Variants in PLXNA4 observed in about 807,000 individuals in gnomAD.
PLXNA4 encodes the protein plexin-A4.
Under a neutral mutation model 191.8 loss-of-function variants are expected in PLXNA4, and 44 were observed. The observed-to-expected ratio is 0.23, with a 90% confidence interval of 0.18 to 0.29. PLXNA4 has a LOEUF of 0.29. Among genes scored for constraint, PLXNA4 ranks in the 10% least tolerant of loss-of-function variants. PLXNA4 has a pLI of 1.00. For synonymous variants in PLXNA4, 1,082 were observed against 1,009.5 expected (o/e 1.07, Z -1.36); for missense variants, 1,800 against 2,488.8 (o/e 0.72, Z 5.89).
rs920688131 is a variant in PLXNA4 at position 132,182,754 on chromosome 7, C to T, written c.3159-564G>A. 4.6e-5 allele frequency among the ~76,000 whole-genome samples: 7 copies of T among 152,136 alleles called. No individual in the cohort carries two copies. The South Asian group carries it at 6.2e-4, about 14-fold the overall frequency. Reference sequence around the variant, plus strand: ...ATGAATGCAAATGTGAATGCAAGTGCGAAATGCTTTTGGACTCGGGTCTCC... The same window carrying T: ...ATGAATGCAAATGTGAATGCAAGTGTGAAATGCTTTTGGACTCGGGTCTCC... On this transcript the variant is annotated intron_variant, in intron 16 of 31. Coordinates refer to ENST00000321063, the MANE Select transcript of PLXNA4 (RefSeq NM_020911.2).
chr7:132,409,673 G>A (rs1027279105), intron 3 of PLXNA4, among the ~76,000 whole-genome samples: 1 of 152,162 alleles, frequency 6.6e-6, no homozygotes, highest in African/African-American at 2.4e-5. Context: ...CTCTCCCCTG[G>A]ACTTTGGCCA....
In PLXNA4 at chr7:132,464,534, C is replaced by T. The variant is rs141852908; in HGVS notation, c.1371+24758G>A. Among the ~76,000 whole-genome samples the T allele has an allele frequency of 1.1e-4, 17 of 152,138 alleles. 1 individual carries two copies. In the East Asian group the frequency reaches 2.3e-3, roughly 21 times the overall value. Reference sequence around the variant, plus strand: ...ACCTGCATCTCAGGTGGGTGTGCATCGAAATACAGTGAAAGGGCTTTGCAA... The same window carrying T: ...ACCTGCATCTCAGGTGGGTGTGCATTGAAATACAGTGAAAGGGCTTTGCAA... On this transcript the variant is annotated intron_variant, in intron 3 of 31. Coordinates refer to ENST00000321063, the MANE Select transcript of PLXNA4 (RefSeq NM_020911.2).
intron 3 of PLXNA4, among the ~76,000 whole-genome samples, chr7:132,428,765 A>C (rs1313578118): frequency 6.6e-6 from 1 of 152,140 alleles, no homozygotes; most frequent in Non-Finnish European, 1.5e-5. Flanking sequence ...CCCTGTCTGC[A>C]ATTGTTTCCA....
intron 3 of PLXNA4, among the ~76,000 whole-genome samples, chr7:132,486,511 G>T (rs962617437): frequency 6.6e-6 from 1 of 152,198 alleles, no homozygotes; most frequent in Admixed American, 6.5e-5. Flanking sequence ...CACGGGAGCC[G>T]GGCTTGAGCA....
In PLXNA4 at chr7:132,228,780, C is replaced by T. The variant is rs922907338; in HGVS notation, c.1605-311G>A. Among the ~76,000 whole-genome samples the T allele has an allele frequency of 2.0e-5, 3 of 152,196 alleles. No homozygotes were observed. In the East Asian group the frequency reaches 5.8e-4, roughly 29 times the overall value. ...ATTCACCCTCTCTGCACATCCTTAGCCCTTGCCATTCTCTTCTCCTCCTTA... is the reference window on the plus strand; with the variant it reads ...ATTCACCCTCTCTGCACATCCTTAGTCCTTGCCATTCTCTTCTCCTCCTTA... On this transcript the variant is annotated intron_variant, in intron 5 of 31. Coordinates refer to ENST00000321063, the MANE Select transcript of PLXNA4 (RefSeq NM_020911.2).
intron 4 of PLXNA4, chr7:132,264,398 GCAAATAATTCGGTC>G (rs1799767474): frequency 6.6e-6 from 1 of 152,214 alleles, no homozygotes; most frequent in Non-Finnish European, 1.5e-5. Context: ...GGGAGTAGTA[GCAAATAATTCGGTC>G]CAAACCTGGC....
chr7:132,491,138 A>G (rs1797780479), intron 2 of PLXNA4, among the ~76,000 whole-genome samples: 1 of 152,242 alleles, frequency 6.6e-6, no homozygotes, highest in Non-Finnish European at 1.5e-5. Flanking sequence ...TGCTCTATAA[A>G]GATGACGGAA....
chr7:132,450,094 CA>C (rs949951029), intron 3 of PLXNA4, among the ~76,000 whole-genome samples: 50 of 152,300 alleles, frequency 3.3e-4, no homozygotes, highest in African/African-American at 1.2e-3. Context: ...CTCTATGGTA[CA>C]CCTCCACATA....
intron 6 of PLXNA4, 147 bp from the exon 7 acceptor site, chr7:132,227,751 T>C: frequency 4.0e-6 from 4 of 1,010,566 alleles, no homozygotes; most frequent in Non-Finnish European, 5.8e-6. Flanking sequence ...GAGAAGAGAC[T>C]CAGGTTATTA....
chr7:132,459,695 A>AATCT (rs1181805718), intron 3 of PLXNA4, among the ~76,000 whole-genome samples: 8 of 152,114 alleles, frequency 5.3e-5, no homozygotes, highest in Admixed American at 2.6e-4. Context: ...CCAGAAGAGA[A>AATCT]ATCTGTTGGT....
chr7:132,563,392 C>T (rs1406352199), intron 1 of PLXNA4, among the ~76,000 whole-genome samples: 32 of 75,524 alleles, frequency 4.2e-4, no homozygotes, highest in African/African-American at 1.8e-3. Flanking sequence ...TCCTCCTCCT[C>T]TTTCTCCTCC....
At chr7:132,477,258 C>T (rs1344890087) in intron 3 of PLXNA4, among the ~76,000 whole-genome samples, 1 of 152,204 alleles carries the variant, frequency 6.6e-6, no homozygotes, top group Non-Finnish European at 1.5e-5. Context: ...CATACATACA[C>T]ACCAGCCCCC....
In PLXNA4 at chr7:132,182,142, C is replaced by A. The variant is rs1408383736; in HGVS notation, c.3207G>T (p.Gln1069His). Residue 1069 changes from glutamine (Q) to histidine (H), a missense_variant, in exon 17 of 32, where the codon CAG (glutamine) becomes CAT (histidine). Coordinates refer to ENST00000321063, the MANE Select transcript of PLXNA4 (RefSeq NM_020911.2). The stretch of plus-strand genomic sequence containing the variant: ...CATGCTTGGCACGGATCTGGGGGTT[C>A]TGTATGAGGTCCAGGTGGGTCCCCC... ...AVWGTHLDLI[Q>H]NPQIRAKHGG... 2 of 1,614,048 alleles carry A rather than the reference C, an allele frequency of 1.2e-6. No individual in the cohort carries two copies.
chr7:132,276,327 C>T (rs1162260262), intron 4 of PLXNA4, among the ~76,000 whole-genome samples: 1 of 152,176 alleles, frequency 6.6e-6, no homozygotes, highest in African/African-American at 2.4e-5. Context: ...CTCTCTGTCT[C>T]CTCCTGCTTC....
At position 132,180,748 on chromosome 7, in the gene PLXNA4, AG is replaced by A; in HGVS notation, c.3493-17del. 2 of 1,608,320 alleles carry A rather than the reference AG, an allele frequency of 1.2e-6. No individual in the cohort carries two copies. The highest frequency in any genetic ancestry group is 1.7e-6 in the Non-Finnish European group (2 of 1,175,134). On this transcript the variant is annotated splice_polypyrimidine_tract_variant and intron_variant, in intron 18 of 31. Transcript: ENST00000321063. Reference sequence around the variant, plus strand: ...GGTTCTTGCCCTGTACAAATGGGAAAGCACCAGTTCCCACCCCAGAGTGAGG... The same window carrying A: ...GGTTCTTGCCCTGTACAAATGGGAAACACCAGTTCCCACCCCAGAGTGAGG...
chr7:132,644,487 A>G (rs6965827), intron 2 of PLXNA4, among the ~76,000 whole-genome samples: 100,961 of 151,924 alleles, frequency 0.66, 33,697 homozygotes, highest in East Asian at 0.73. Context: ...CCTCCTTCTC[A>G]CTCCACAGGG....
chr7:132,566,294 CCT>C (rs201956454), intron 1 of PLXNA4, among the ~76,000 whole-genome samples: 3 of 150,400 alleles, frequency 2.0e-5, no homozygotes, highest in East Asian at 1.9e-4. Flanking sequence ...CCACACTCTC[CCT>C]CTCTCTCTCA....
chr7:132,392,544 G>T (rs1793542181), intron 3 of PLXNA4, among the ~76,000 whole-genome samples: 1 of 152,234 alleles, frequency 6.6e-6, no homozygotes. Flanking sequence ...CTCACCCCTG[G>T]CAGGTGATGC....
At chr7:132,136,224 T>G (rs929964659) in intron 30 of PLXNA4, among the ~76,000 whole-genome samples, 2 of 152,240 alleles carry the variant, frequency 1.3e-5, no homozygotes, top group Non-Finnish European at 2.9e-5. Flanking sequence ...GCCCCAGTGC[T>G]GGGCTCCTCC....
Sources: gnomAD v4.1 joint callset for allele counts (sites outside exome capture counted in the v4.1 genomes callset) on GRCh38, gnomAD v4.1.1 for gene constraint, MANE v1.5 for transcripts, NCBI Gene and HGNC (gene_info 2026-07-23, HGNC 2026-07-21) for gene names.